Variants in NEGR1 observed in about 807,000 individuals in gnomAD.
NEGR1 encodes the protein IgLON family member 4.
NEGR1 carries 10 observed loss-of-function variants against 40.9 expected under a neutral mutation model. That is an observed-to-expected ratio of 0.24 (90% confidence interval 0.15 to 0.42). The LOEUF is 0.42. NEGR1 is among the 10% of genes least tolerant of loss of function. NEGR1 has a pLI of 1.00. For missense variants in NEGR1, 352 were observed against 438.9 expected, an observed-to-expected ratio of 0.80 and a Z score of 1.77; for synonymous variants, 185 against 166.8, an observed-to-expected ratio of 1.11 and a Z score of -0.84.
At chr1:72,243,363 T>C (rs1293296171) in intron 1 of NEGR1, among the ~76,000 whole-genome samples, 2 of 151,828 alleles carry the variant, frequency 1.3e-5, no homozygotes, top group African/African-American at 4.8e-5. Context: ...AAAATCGTTA[T>C]CTATCTCATA....
chr1:71,975,700 C>G (rs1646296249), intron 1 of NEGR1, among the ~76,000 whole-genome samples: 1 of 152,184 alleles, frequency 6.6e-6, no homozygotes, highest in Non-Finnish European at 1.5e-5. Flanking sequence ...CTGTACTGAG[C>G]TGAGTCCTAG....
intron 2 of NEGR1, among the ~76,000 whole-genome samples, chr1:71,780,861 C>T (rs540703108): frequency 2.0e-5 from 3 of 152,290 alleles, no homozygotes; most frequent in Admixed American, 2.0e-4. Context: ...TTACTCCACC[C>T]ACCTTCCCTC....
At chr1:72,098,217 T>G (rs1387386577) in intron 1 of NEGR1, among the ~76,000 whole-genome samples, 1 of 152,110 alleles carries the variant, frequency 6.6e-6, no homozygotes, top group Non-Finnish European at 1.5e-5. Flanking sequence ...AACAACTGTA[T>G]AGACCTGGAC....
intron 1 of NEGR1, among the ~76,000 whole-genome samples, chr1:72,007,492 G>A (rs1646618036): frequency 6.6e-6 from 1 of 152,042 alleles, no homozygotes; most frequent in African/African-American, 2.4e-5. Flanking sequence ...AAGCCAGGGT[G>A]CCCCTGAAGA....
intron 1 of NEGR1, among the ~76,000 whole-genome samples, chr1:72,126,280 A>C (rs1650021298): frequency 6.6e-6 from 1 of 152,090 alleles, no homozygotes; most frequent in African/African-American, 2.4e-5. Context: ...TTTTGCATTA[A>C]ACTACAATTA....
At chr1:71,618,213 C>T (rs568430) in intron 4 of NEGR1, among the ~76,000 whole-genome samples, 2,722 of 152,254 alleles carry the variant, frequency 0.018, 75 homozygotes, top group African/African-American at 0.062. Context: ...TTGAGCATTA[C>T]TTCCTAATCA....
intron 4 of NEGR1, among the ~76,000 whole-genome samples, chr1:71,694,987 A>C (rs1442103830): frequency 1.3e-5 from 2 of 151,782 alleles, no homozygotes; most frequent in Admixed American, 6.6e-5. Flanking sequence ...GGTAACGTAG[A>C]CCACTGTACT....
At chr1:71,943,652 A>T (rs2100255938) in intron 1 of NEGR1, among the ~76,000 whole-genome samples, 1 of 152,306 alleles carries the variant, frequency 6.6e-6, no homozygotes, top group African/African-American at 2.4e-5. Context: ...GCATGGATAG[A>T]GTAAGAGAGA....
chr1:71,509,883 C>T (rs187838099), intron 6 of NEGR1, among the ~76,000 whole-genome samples: 1 of 152,268 alleles, frequency 6.6e-6, no homozygotes, highest in Non-Finnish European at 1.5e-5. Context: ...TAGATGCCAC[C>T]AGCCAAATGG....
chr1:71,660,920 A>G (rs2101590394), intron 4 of NEGR1, among the ~76,000 whole-genome samples: 1 of 152,144 alleles, frequency 6.6e-6, no homozygotes, highest in East Asian at 1.9e-4. Flanking sequence ...CTCATTGTTC[A>G]ACTTCCACTT....
rs146749904 is a variant in NEGR1, at chr1:71,795,094, A to G, written c.410-18797T>C. The stretch of plus-strand genomic sequence containing the variant: ...TAAAAAATTAGGTAATACCAAGTTG[A>G]TGAGAAAATGAAAAATCACACACTG... On this transcript the variant is annotated intron_variant, in intron 2 of 6. Coordinates refer to ENST00000357731, the MANE Select transcript of NEGR1 (RefSeq NM_173808.3). Among the ~76,000 whole-genome samples, 9 of 152,222 alleles carry G rather than the reference A, an allele frequency of 5.9e-5. No individual in the cohort carries two copies. The East Asian group carries it at 1.7e-3, about 29-fold the overall frequency.
chr1:71,411,780 A>C (rs185595474), intron 6 of NEGR1, among the ~76,000 whole-genome samples: 2 of 152,174 alleles, frequency 1.3e-5, no homozygotes, highest in East Asian at 3.9e-4. Flanking sequence ...CAGGTGGATC[A>C]CCTGAGGCCA....
intron 1 of NEGR1, among the ~76,000 whole-genome samples, chr1:71,944,032 T>A (rs1557447405): frequency 6.6e-6 from 1 of 152,242 alleles, no homozygotes; most frequent in Non-Finnish European, 1.5e-5. Flanking sequence ...GAAAATTTCT[T>A]TGTCATCTCT....
chr1:71,675,809 T>TA (rs61110297), intron 4 of NEGR1, among the ~76,000 whole-genome samples: 3 of 150,454 alleles, frequency 2.0e-5, no homozygotes, highest in African/African-American at 4.9e-5. Context: ...TTTTGTTTTT[T>TA]TTTTCCTTAA....
intron 4 of NEGR1, among the ~76,000 whole-genome samples, chr1:71,684,330 C>T (rs914262259): frequency 3.9e-5 from 6 of 151,936 alleles, no homozygotes; most frequent in African/African-American, 1.5e-4. Context: ...ATTATTTTAT[C>T]ATTCTTTTCC....
At chr1:71,939,804 G>C (rs1174638338) in intron 1 of NEGR1, among the ~76,000 whole-genome samples, 1 of 152,130 alleles carries the variant, frequency 6.6e-6, no homozygotes, top group African/African-American at 2.4e-5. Flanking sequence ...TAAACCATTA[G>C]ACATTCTGCT....
intron 1 of NEGR1, among the ~76,000 whole-genome samples, chr1:72,137,152 T>C (rs1650498987): frequency 1.3e-5 from 2 of 152,094 alleles, no homozygotes; most frequent in Admixed American, 6.5e-5. Flanking sequence ...ATTATGGGAG[T>C]GTAAATTAGT....
intron 1 of NEGR1, among the ~76,000 whole-genome samples, chr1:72,110,224 A>T (rs77315302): frequency 0.047 from 6,752 of 142,516 alleles, 326 homozygotes; most frequent in African/African-American, 0.14. Context: ...AGTATAATAA[A>T]AAAAAAAAAA....
chr1:72,029,950 C>A lies in NEGR1; in HGVS notation c.177-94639G>T, dbSNP rs181744882. Among the ~76,000 whole-genome samples the A allele has an allele frequency of 2.8e-3, 427 of 151,930 alleles. 4 individuals carry two copies. Among genetic ancestry groups the A allele is most frequent in the Non-Finnish European group, 4.4e-3 (301 of 67,958 alleles). On this transcript the variant is annotated intron_variant, in intron 1 of 6. Coordinates refer to ENST00000357731, the MANE Select transcript of NEGR1 (RefSeq NM_173808.3). ...AAATATAAATACTGAAAAATGTAAA[C>A]ATGCTCTAAAAATTGTTACTAATTT...
Sources: allele counts gnomAD v4.1 joint callset (sites outside exome capture counted in the v4.1 genomes callset), GRCh38; gene constraint gnomAD v4.1.1; transcripts MANE v1.5; gene names NCBI Gene and HGNC (gene_info 2026-07-23, HGNC 2026-07-21).